The following MTUS2 variants were observed in gnomAD, a reference collection of about 807,000 sequenced individuals.
MTUS2 encodes microtubule associated scaffold protein 2.
MTUS2 carries 40 observed loss-of-function variants against 114.1 expected under a neutral mutation model. The observed-to-expected ratio is 0.35, with a 90% CI of 0.27 to 0.46. MTUS2 has a LOEUF of 0.46. Among genes scored for constraint, MTUS2 ranks in the 20% least tolerant of loss-of-function variants. MTUS2 has a pLI of 1.00. For synonymous variants in MTUS2, 688 were observed against 672.0 expected, an observed-to-expected ratio of 1.02 and a Z score of -0.37; for missense variants, 1,679 against 1,705.4, an observed-to-expected ratio of 0.98 and a Z score of 0.27.
chr13:29,384,610 G>A (rs1245997156), intron 8 of MTUS2, among the ~76,000 whole-genome samples: 4 of 152,198 alleles, frequency 2.6e-5, no homozygotes, highest in East Asian at 1.9e-4. Context: ...ACCAAGGACC[G>A]TGTTCTGTGT....
chr13:29,377,636 G>T (rs952666338), intron 8 of MTUS2, among the ~76,000 whole-genome samples: 11 of 150,154 alleles, frequency 7.3e-5, no homozygotes, highest in African/African-American at 2.7e-4. Flanking sequence ...TGCCTAGAAA[G>T]GTATTTATGG....
At chr13:28,947,753 T>A (rs778205409) in intron 2 of MTUS2, among the ~76,000 whole-genome samples, 1 of 152,210 alleles carries the variant, frequency 6.6e-6, no homozygotes, top group Non-Finnish European at 1.5e-5. Context: ...AAGGAAAATA[T>A]AAGTCATTTT....
rs1886447637 is a variant in MTUS2, at chr13:29,024,968, T to C, written c.270T>C (p.Ala90=). Residue 90 remains alanine, a synonymous_variant, in exon 3 of 16, where the codon GCT becomes GCC. Coordinates refer to ENST00000612955, the MANE Select transcript of MTUS2 (RefSeq NM_001033602.4). ...QLQGFGKGSQ[A]GSASLKDFRL... is the part of the protein sequence containing the mutation. ...AGGGCTTTGGGAAAGGCTCTCAGGCTGGCTCTGCCAGCCTGAAAGATTTTA... is the reference window on the plus strand; with the variant it reads ...AGGGCTTTGGGAAAGGCTCTCAGGCCGGCTCTGCCAGCCTGAAAGATTTTA... 6.2e-7 allele frequency: 1 copy of C among 1,612,806 alleles called. No homozygotes were observed. Among genetic ancestry groups the C allele is most frequent in the Admixed American group, 1.7e-5 (1 of 59,674 alleles).
chr13:28,925,499 A>C (rs975456144), intron 2 of MTUS2, among the ~76,000 whole-genome samples: 1 of 152,232 alleles, frequency 6.6e-6, no homozygotes, highest in African/African-American at 2.4e-5. Flanking sequence ...AACATTTACT[A>C]AATTTCTAGT....
chr13:29,442,267 C>T (rs1158608252), intron 9 of MTUS2, among the ~76,000 whole-genome samples: 2 of 152,122 alleles, frequency 1.3e-5, no homozygotes, highest in Non-Finnish European at 2.9e-5. Flanking sequence ...GTATCAAGGC[C>T]AAATAAATAC....
intron 5 of MTUS2, among the ~76,000 whole-genome samples, chr13:29,260,399 A>T (rs1391385510): frequency 6.6e-6 from 1 of 152,234 alleles, no homozygotes; most frequent in African/African-American, 2.4e-5. Flanking sequence ...TATGGAAAGC[A>T]GAAGAGGCAC....
chr13:29,260,134 G>A (rs1412410976), intron 5 of MTUS2, among the ~76,000 whole-genome samples: 1 of 152,242 alleles, frequency 6.6e-6, no homozygotes, highest in Non-Finnish European at 1.5e-5. Context: ...GATGCTTTCA[G>A]TGAATGAAAT....
intron 5 of MTUS2, among the ~76,000 whole-genome samples, chr13:29,115,076 TAAATG>T (rs1303368140): frequency 3.9e-5 from 6 of 152,212 alleles, no homozygotes; most frequent in Admixed American, 1.3e-4. Context: ...ATGTACAGGA[TAAATG>T]AAATGAAATG....
chr13:28,849,054 C>T (rs947309315), intron 2 of MTUS2, among the ~76,000 whole-genome samples: 4 of 152,150 alleles, frequency 2.6e-5, no homozygotes, highest in South Asian at 2.1e-4. Flanking sequence ...TGAATAGTTT[C>T]GATGATCACT....
rs144282997 is a variant in MTUS2, at chr13:28,829,144, T to A, written c.-316+8533T>A. ...GGAATATTTATTCAAGAAAAAGGAC[T>A]GAATCTCAGTAAGAACAGTGAACTT... On this transcript the variant is annotated intron_variant, in intron 1 of 15. Coordinates refer to ENST00000612955, the MANE Select transcript of MTUS2 (RefSeq NM_001033602.4). 8.5e-5 allele frequency among the ~76,000 whole-genome samples: 13 copies of A among 152,338 alleles called. No homozygotes were observed. In the East Asian group the frequency reaches 2.3e-3, roughly 27 times the overall value.
At chr13:29,485,194 G>A (rs1231644495) in intron 10 of MTUS2, 1 of 152,646 alleles carries the variant, frequency 6.6e-6, no homozygotes, top group Non-Finnish European at 1.5e-5. Context: ...TGCATAGAAA[G>A]ATCTTGTGCT....
At chr13:28,988,020 G>A (rs1884666686) in intron 2 of MTUS2, among the ~76,000 whole-genome samples, 1 of 152,174 alleles carries the variant, frequency 6.6e-6, no homozygotes, top group Non-Finnish European at 1.5e-5. Context: ...GAACAATGAA[G>A]TCAGAATGTC....
chr13:29,489,152 G>A (rs1029096612), intron 11 of MTUS2, among the ~76,000 whole-genome samples: 2 of 152,074 alleles, frequency 1.3e-5, no homozygotes, highest in Non-Finnish European at 2.9e-5. Context: ...AGGCGCGGTG[G>A]GCTGGCTACA....
At chr13:29,183,421 G>A (rs146609441) in intron 5 of MTUS2, among the ~76,000 whole-genome samples, 128 of 152,250 alleles carry the variant, frequency 8.4e-4, no homozygotes, top group African/African-American at 2.4e-3. Context: ...GTTCTGTTTC[G>A]GACGTGGCTA....
chr13:28,894,289 G>GA (rs1283422275), intron 2 of MTUS2, among the ~76,000 whole-genome samples: 212 of 11,808 alleles, frequency 0.018, 7 homozygotes, highest in African/African-American at 0.045. Flanking sequence ...TGGGGGGGGG[G>GA]GAGAGAGAGA....
intron 5 of MTUS2, among the ~76,000 whole-genome samples, chr13:29,134,089 A>C (rs541247946): frequency 1.3e-5 from 2 of 151,264 alleles, no homozygotes; most frequent in African/African-American, 4.9e-5. Flanking sequence ...TTGTATTTTT[A>C]TTTTTTTTGT....
chr13:29,214,021 T>C (rs1201659172), intron 5 of MTUS2, among the ~76,000 whole-genome samples: 3 of 152,182 alleles, frequency 2.0e-5, no homozygotes, highest in African/African-American at 7.2e-5. Context: ...TATTAATGTA[T>C]GTTTTTATCC....
At chr13:29,375,065 C>T (rs1871471585) in intron 8 of MTUS2, among the ~76,000 whole-genome samples, 1 of 152,100 alleles carries the variant, frequency 6.6e-6, no homozygotes, top group Admixed American at 6.5e-5. Flanking sequence ...ATGCTTATCA[C>T]CTGATGAGTG....
intron 5 of MTUS2, among the ~76,000 whole-genome samples, chr13:29,143,285 CAG>C (rs1892301399): frequency 6.6e-6 from 1 of 152,182 alleles, no homozygotes; most frequent in Non-Finnish European, 1.5e-5. Context: ...GGAAAAAACA[CAG>C]ATAAAACTGT....
Sources: gnomAD v4.1 joint callset for allele counts (sites outside exome capture counted in the v4.1 genomes callset) on GRCh38, gnomAD v4.1.1 for gene constraint, MANE v1.5 for transcripts, NCBI Gene and HGNC (gene_info 2026-07-23, HGNC 2026-07-21) for gene names.